The following SORL1-AS1 variants were observed in gnomAD, a reference collection of about 807,000 sequenced individuals.
SORL1-AS1 encodes the protein lncRNA 51 A.
chr11:121,451,727 CTG>C (rs752250416), intron 1 of SORL1-AS1, among the ~76,000 whole-genome samples: 97 of 152,280 alleles, frequency 6.4e-4, no homozygotes, highest in Non-Finnish European at 7.1e-4. Context: ...AGATGAAAAA[CTG>C]TGAGTTTCCC....
downstream of SORL1-AS1, among the ~76,000 whole-genome samples, chr11:121,444,452 C>T (rs1450294596): frequency 6.6e-6 from 1 of 152,182 alleles, no homozygotes; most frequent in Non-Finnish European, 1.5e-5. Context: ...GAGAAAGTAC[C>T]TGAGCAGATC....
At chr11:121,438,539 G>GTGTGTACTCTTTTGTGTCTGGTGC in the SORL1-AS1 span, among the ~76,000 whole-genome samples, 2 of 151,826 alleles carry the variant, frequency 1.3e-5, no homozygotes, top group African/African-American at 4.8e-5. Context: ...AAGTGGAGTC[G>GTGTGTACTCTTTTGTGTCTGGTGC]TTCATTGTGT....
chr11:121,451,527 G>T (rs1328938580), intron 1 of SORL1-AS1, among the ~76,000 whole-genome samples: 1 of 152,248 alleles, frequency 6.6e-6, no homozygotes. Flanking sequence ...GTATTCATGC[G>T]TGCGTGCAAG....
At chr11:121,441,261 C>T in the SORL1-AS1 span, among the ~76,000 whole-genome samples, 33 of 151,956 alleles carry the variant, frequency 2.2e-4, no homozygotes, top group African/African-American at 7.7e-4. Flanking sequence ...CTGTGGCTCA[C>T]GCCTGTAATC....
downstream of SORL1-AS1, among the ~76,000 whole-genome samples, chr11:121,444,236 C>T (rs1364151933): frequency 3.9e-5 from 6 of 152,098 alleles, no homozygotes; most frequent in African/African-American, 1.4e-4. Flanking sequence ...GAATAAAAAC[C>T]CAACAATTGC....
downstream of SORL1-AS1, among the ~76,000 whole-genome samples, chr11:121,443,929 G>A (rs1049990198): frequency 7.2e-5 from 11 of 152,116 alleles, no homozygotes; most frequent in African/African-American, 2.4e-4. Context: ...ACTGTTCCCT[G>A]ATTTGACCAG....
At chr11:121,441,460 TGCGGAGCTTGCAGTGAGCCAA>T in the SORL1-AS1 span, among the ~76,000 whole-genome samples, 3 of 142,930 alleles carry the variant, frequency 2.1e-5, no homozygotes, top group African/African-American at 8.0e-5. Context: ...GAACCTGGGA[TGCGGAGCTTGCAGTGAGCCAA>T]GATTCCACCA....
At chr11:121,447,324 T>A (rs971254081), downstream of SORL1-AS1, 7 of 153,814 alleles carry the variant, frequency 4.6e-5, no homozygotes, top group African/African-American at 1.7e-4. Flanking sequence ...TTTTTTTTTT[T>A]TTTTTTGAGA....
At chr11:121,443,856 G>T (rs532769242), downstream of SORL1-AS1, among the ~76,000 whole-genome samples, 3 of 152,352 alleles carry the variant, frequency 2.0e-5, no homozygotes, top group South Asian at 4.1e-4. Flanking sequence ...AGACCCAGCA[G>T]GCTGATTCCT....
At position 121,452,485 on chromosome 11, in the gene SORL1-AS1, C is replaced by A; in HGVS notation, n.339+190G>T. 6.7e-7 allele frequency: 1 copy of A among 1,490,784 alleles called. No individual in the cohort carries two copies. The highest frequency in any genetic ancestry group is 1.3e-5 in the South Asian group (1 of 78,872). The allele number at this position is 1,490,784 out of a possible 1,614,324, so 92.3% of individuals were successfully genotyped here. A position where few individuals can be genotyped will look rare whatever the true frequency, so the allele number is the denominator to read the frequency against. On this transcript the variant is annotated intron_variant and non_coding_transcript_variant, in intron 1 of 1. Transcript: ENST00000501964. This position sits in a 1 kb window ranked among gnomAD's most constrained non-coding sequence, Gnocchi z 5.3. ...CCAGGACCGGGGCTTCCTCGTGGTG[C>A]AGGGCGACCCGCGCGAGCTGCGGCT...
rs866720890 is a variant in SORL1-AS1, at chr11:121,449,085, C to T, written n.1154G>A. 7.9e-5 allele frequency: 12 copies of T among 152,312 alleles called. No individual in the cohort carries two copies. The East Asian group carries it at 1.9e-3, about 24-fold the overall frequency. 9.4% of individuals were successfully genotyped at this position (152,312 alleles called of 1,614,324 possible). ...TGGATAAAAATGTAGGACACTGTGA[C>T]CTCTGTGTGTTTGTCCTCTACCTCC... is the stretch of plus-strand genomic sequence containing the variant. On this transcript the variant is annotated non_coding_transcript_exon_variant, in exon 2 of 2. Transcript: ENST00000501964.
downstream of SORL1-AS1, among the ~76,000 whole-genome samples, chr11:121,443,968 C>T (rs1860693704): frequency 6.6e-6 from 1 of 152,162 alleles, no homozygotes; most frequent in Non-Finnish European, 1.5e-5. Context: ...CCTCAGAACA[C>T]TGCTCCATCT....
chr11:121,439,862 A>C, the SORL1-AS1 span, among the ~76,000 whole-genome samples: 1 of 152,226 alleles, frequency 6.6e-6, no homozygotes, highest in African/African-American at 2.4e-5. Context: ...GTTGTATTTG[A>C]ATTTTTTAAA....
chr11:121,443,339 C>G (rs1052193425), downstream of SORL1-AS1, among the ~76,000 whole-genome samples: 4 of 152,156 alleles, frequency 2.6e-5, no homozygotes, highest in Non-Finnish European at 4.4e-5. Context: ...GCTGGCCAAA[C>G]AAACACAGTA....
chr11:121,442,774 G>A (rs1305333963), downstream of SORL1-AS1, among the ~76,000 whole-genome samples: 155 of 141,210 alleles, frequency 1.1e-3, no homozygotes, highest in Admixed American at 9.9e-4. Context: ...CGCCTCCCAG[G>A]TTCACGCCAT....
At chr11:121,451,911 C>G (rs563233750) in intron 1 of SORL1-AS1, among the ~76,000 whole-genome samples, 101 of 152,248 alleles carry the variant, frequency 6.6e-4, no homozygotes, top group Non-Finnish European at 1.4e-3. Context: ...ACGACCTCGA[C>G]ACGACCCTGT....
chr11:121,452,800 T>C lies in SORL1-AS1; in HGVS notation n.214A>G. ...CTTGAATCGCATTGATCTTTCCTTC[T>C]TCCTGTCGATTTAGTAAACGTATTC... On this transcript the variant is annotated non_coding_transcript_exon_variant, in exon 1 of 2. Transcript: ENST00000501964. This position sits in a 1 kb window ranked among gnomAD's most constrained non-coding sequence, Gnocchi z 5.3. 2 of 513,160 alleles carry C rather than the reference T, an allele frequency of 3.9e-6. No individual in the cohort carries two copies. The highest frequency in any genetic ancestry group is 6.5e-6 in the Non-Finnish European group (2 of 305,632). 31.8% of individuals were successfully genotyped at this position (513,160 alleles called of 1,614,324 possible).
At chr11:121,442,053 A>G in the SORL1-AS1 span, among the ~76,000 whole-genome samples, 1 of 152,178 alleles carries the variant, frequency 6.6e-6, no homozygotes, top group Non-Finnish European at 1.5e-5. Context: ...GCCAAGTTGG[A>G]GCATGTAAGC....
chr11:121,440,266 CG>C, the SORL1-AS1 span, among the ~76,000 whole-genome samples: 139 of 152,258 alleles, frequency 9.1e-4, no homozygotes, highest in African/African-American at 3.2e-3. Context: ...TCCAGCTACA[CG>C]GGAGGCTGAG....
Sources: gnomAD v4.1 joint callset for allele counts (sites outside exome capture counted in the v4.1 genomes callset) on GRCh38, gnomAD v4.1.1 for gene constraint, Gnocchi (gnomAD v3.1) non-coding constraint, MANE v1.5 for transcripts, NCBI Gene and HGNC (gene_info 2026-07-23, HGNC 2026-07-21) for gene names.